The following CLDN10 variants were observed in gnomAD, a reference collection of about 807,000 sequenced individuals.
CLDN10 encodes claudin-10.
Under a neutral mutation model 22.9 loss-of-function variants are expected in CLDN10, and 15 were observed. That is an observed-to-expected ratio of 0.65 (90% confidence interval 0.44 to 1.01). The LOEUF is 1.01. Ranked by LOEUF, CLDN10 falls within the 50% of genes least tolerant of loss-of-function variation. The pLI is 0.00. For synonymous variants in CLDN10, 114 were observed against 111.4 expected, an observed-to-expected ratio of 1.02 and a Z score of -0.15; for missense variants, 247 against 287.8, an observed-to-expected ratio of 0.86 and a Z score of 1.03.
chr13:95,553,046 C>A (rs1359017237), intron 1 of CLDN10, 73 bp downstream of exon 1: 2 of 1,560,330 alleles, frequency 1.3e-6, no homozygotes, highest in East Asian at 2.3e-5. Flanking sequence ...CCTCTCGCCC[C>A]CAATACCCCC....
At chr13:95,534,840 T>C (rs1360938654) in intron 1 of CLDN10, among the ~76,000 whole-genome samples, 1 of 152,156 alleles carries the variant, frequency 6.6e-6, no homozygotes, top group African/African-American at 2.4e-5. Context: ...ATCATGGTTA[T>C]AATATAACAA....
At chr13:95,552,619 C>T, upstream of CLDN10, 1 of 1,136,892 alleles carries the variant, frequency 8.8e-7, no homozygotes, top group Non-Finnish European at 1.2e-6. Flanking sequence ...CCCCTGGCGC[C>T]GGGTCCGCTG....
At position 95,517,795 on chromosome 13, in the gene CLDN10, G is replaced by A. The variant is rs150602668; in HGVS notation, c.215-42337G>A. Among the ~76,000 whole-genome samples, 215 of 152,056 alleles carry A rather than the reference G, an allele frequency of 1.4e-3. 3 individuals carry two copies. The East Asian group carries it at 0.028, about 20-fold the overall frequency. On this transcript the variant is annotated intron_variant, in intron 1 of 4. Coordinates refer to the CLDN10 transcript ENST00000376873. ...CTAAAAATGCAAAAATTAGCCAGGC[G>A]TGGTGGCGGGTGCCTGTAATCCCAG...
chr13:95,493,718 C>T (rs2042900322), intron 1 of CLDN10, among the ~76,000 whole-genome samples: 1 of 152,102 alleles, frequency 6.6e-6, no homozygotes, highest in Non-Finnish European at 1.5e-5. Flanking sequence ...TGCCACCACG[C>T]CCAGCTAATT....
rs555447642 is a variant in CLDN10 at position 95,574,641 on chromosome 13, A to G, written c.465-2590A>G. 4.6e-5 allele frequency among the ~76,000 whole-genome samples: 7 copies of G among 152,110 alleles called. No homozygotes were observed. The South Asian group carries it at 1.5e-3, about 32-fold the overall frequency. On this transcript the variant is annotated intron_variant, in intron 3 of 4. Transcript: ENST00000299339. ...AAAAATTAGCTGGGCATGGTGGCACACACCTGTAATCCCAGCTACTCGGGA... is the reference window on the plus strand; with the variant it reads ...AAAAATTAGCTGGGCATGGTGGCACGCACCTGTAATCCCAGCTACTCGGGA...
chr13:95,524,641 C>A (rs1446570797), intron 1 of CLDN10, among the ~76,000 whole-genome samples: 1 of 152,072 alleles, frequency 6.6e-6, no homozygotes, highest in Non-Finnish European at 1.5e-5. Context: ...TTTGTGTGAA[C>A]ATACATTTTC....
intron 3 of CLDN10, among the ~76,000 whole-genome samples, chr13:95,574,440 T>G (rs2043899047): frequency 2.0e-5 from 3 of 152,240 alleles, no homozygotes; most frequent in Admixed American, 2.0e-4. Flanking sequence ...AATGATTTTT[T>G]CCTTGGAATA....
At chr13:95,557,077 G>A (rs2043649013) in intron 1 of CLDN10, among the ~76,000 whole-genome samples, 1 of 152,186 alleles carries the variant, frequency 6.6e-6, no homozygotes, top group Non-Finnish European at 1.5e-5. Flanking sequence ...TTTTCAGCCA[G>A]CTTGTTTTTA....
At chr13:95,561,820 T>C (rs930203903) in intron 3 of CLDN10, among the ~76,000 whole-genome samples, 9 of 151,286 alleles carry the variant, frequency 5.9e-5, no homozygotes, top group Non-Finnish European at 1.3e-4. Flanking sequence ...GGCTGGAGTG[T>C]GGTGGTGTGA....
intron 1 of CLDN10, chr13:95,497,050 A>G (rs1316031355): frequency 6.6e-6 from 1 of 152,124 alleles, no homozygotes; most frequent in Non-Finnish European, 1.5e-5. Flanking sequence ...CGAGGATAAT[A>G]GTACCTACCT....
At chr13:95,434,152 T>C in intron 1 of CLDN10, 2 of 992,530 alleles carry the variant, frequency 2.0e-6, no homozygotes, top group Non-Finnish European at 3.1e-6. Context: ...GAAGACTGAG[T>C]GCTTAATCAA....
intron 1 of CLDN10, among the ~76,000 whole-genome samples, chr13:95,439,410 T>C (rs928190380): frequency 2.0e-5 from 3 of 151,176 alleles, no homozygotes; most frequent in African/African-American, 7.3e-5. Context: ...AGTAGTGCAA[T>C]CTCAACCTCT....
chr13:95,442,192 A>G (rs144660799), intron 1 of CLDN10, among the ~76,000 whole-genome samples: 1 of 152,182 alleles, frequency 6.6e-6, no homozygotes. Context: ...AAAGTGTCTT[A>G]TGTAGTACCA....
intron 1 of CLDN10, among the ~76,000 whole-genome samples, chr13:95,467,395 A>G (rs2042590916): frequency 6.6e-6 from 1 of 152,160 alleles, no homozygotes; most frequent in African/African-American, 2.4e-5. Context: ...AATATCCCTG[A>G]TAGTCTCATA....
chr13:95,441,762 G>A (rs1238188611), intron 1 of CLDN10, among the ~76,000 whole-genome samples: 1 of 152,122 alleles, frequency 6.6e-6, no homozygotes, highest in African/African-American at 2.4e-5. Flanking sequence ...ATCTTTGCCT[G>A]GAGTTTGGCC....
At chr13:95,562,880 C>G (rs1041580009) in intron 3 of CLDN10, among the ~76,000 whole-genome samples, 2 of 152,206 alleles carry the variant, frequency 1.3e-5, no homozygotes, top group Non-Finnish European at 2.9e-5. Context: ...TTAAACCTAT[C>G]TTTGCGTGAC....
intron 3 of CLDN10, among the ~76,000 whole-genome samples, chr13:95,574,770 A>G (rs2043903149): frequency 6.6e-6 from 1 of 152,210 alleles, no homozygotes; most frequent in African/African-American, 2.4e-5. Flanking sequence ...ATTCCATCTC[A>G]AAAAAGAAAA....
At chr13:95,576,133 C>G (rs2043920888) in intron 3 of CLDN10, among the ~76,000 whole-genome samples, 1 of 152,176 alleles carries the variant, frequency 6.6e-6, no homozygotes, top group Non-Finnish European at 1.5e-5. Flanking sequence ...AGGACGAACC[C>G]AGGCAGCACT....
At chr13:95,576,776 C>T (rs116661105) in intron 3 of CLDN10, among the ~76,000 whole-genome samples, 293 of 152,310 alleles carry the variant, frequency 1.9e-3, no homozygotes, top group African/African-American at 6.6e-3. Flanking sequence ...CGATTAGTGA[C>T]GATTTGCACA....
Sources: allele counts gnomAD v4.1 joint callset (sites outside exome capture counted in the v4.1 genomes callset), GRCh38; gene constraint gnomAD v4.1.1; transcripts MANE v1.5; gene names NCBI Gene and HGNC (gene_info 2026-07-23, HGNC 2026-07-21).